Variants in PNKD observed in about 807,000 individuals in gnomAD.
The protein encoded by PNKD is PNKD metallo-beta-lactamase domain containing, also known as probable thioesterase PNKD.
In PNKD, 36 loss-of-function variants were observed where a neutral mutation model predicts 45.3. That is an observed-to-expected ratio of 0.80 (90% CI 0.61 to 1.05). The LOEUF (loss-of-function observed/expected upper bound fraction) is 1.05, where lower values mean the gene tolerates loss of function less well. Among genes scored for constraint, PNKD ranks in the 50% least tolerant of loss-of-function variants. The pLI is 0.00. For synonymous variants in PNKD, 197 were observed against 210.1 expected, an observed-to-expected ratio of 0.94 and a Z score of 0.54; for missense variants, 511 against 506.6, an observed-to-expected ratio of 1.01 and a Z score of -0.08.
At chr2:218,324,395 C>G (rs1574702490) in intron 2 of PNKD, among the ~76,000 whole-genome samples, 3 of 152,360 alleles carry the variant, frequency 2.0e-5, no homozygotes, top group East Asian at 1.9e-4. Context: ...GCAATTCACC[C>G]TCTCCTCCCC....
At chr2:218,275,992 C>G (rs545805557) in intron 2 of PNKD, 2 of 1,600,150 alleles carry the variant, frequency 1.2e-6, no homozygotes, top group South Asian at 2.3e-5. Context: ...CTCATCCCCT[C>G]AGCTCCCCTT....
chr2:218,329,712 C>T (rs550096616), intron 2 of PNKD, among the ~76,000 whole-genome samples: 5 of 152,394 alleles, frequency 3.3e-5, no homozygotes, highest in Admixed American at 2.0e-4. Flanking sequence ...AGTCCCCACG[C>T]CCCCAGGCAT....
At chr2:218,296,008 C>T (rs1416671189) in intron 2 of PNKD, among the ~76,000 whole-genome samples, 4 of 151,964 alleles carry the variant, frequency 2.6e-5, no homozygotes, top group South Asian at 2.1e-4. Flanking sequence ...CCACCACGCC[C>T]GGCTAATTTT....
At chr2:218,323,563 C>T in intron 2 of PNKD, 1 of 757,210 alleles carries the variant, frequency 1.3e-6, no homozygotes, top group South Asian at 2.9e-5. Flanking sequence ...GAAGAGGGAT[C>T]GAGGAGACGG....
At chr2:218,313,545 GGAACACTGA>G (rs1292216514) in intron 2 of PNKD, among the ~76,000 whole-genome samples, 1 of 152,172 alleles carries the variant, frequency 6.6e-6, no homozygotes. Flanking sequence ...CCATTTAAAA[GGAACACTGA>G]GTTCCACAGA....
chr2:218,341,626 A>G lies in PNKD; in HGVS notation c.617A>G (p.His206Arg). ...SPQDGIPYLT[H>R]PLCHQDVVSV... Reference sequence around the variant, plus strand: ...CAGGACGGCATCCCCTACCTCACCCAGTAAGTCCCTGACCTAGGCAAGGGA... The same window carrying G: ...CAGGACGGCATCCCCTACCTCACCCGGTAAGTCCCTGACCTAGGCAAGGGA... Residue 206 changes from histidine to arginine, a missense_variant and splice_region_variant, in exon 6 of 10, where the codon CAT (histidine) becomes CGT (arginine). His to Arg is a conservative substitution (Grantham distance 29). Transcript: ENST00000273077. 1 of 1,566,358 alleles carries G rather than the reference A, an allele frequency of 6.4e-7. No homozygotes were observed. Among genetic ancestry groups the G allele is most frequent in the South Asian group, 1.2e-5 (1 of 85,288 alleles).
At chr2:218,310,102 T>G (rs1206692133) in intron 2 of PNKD, among the ~76,000 whole-genome samples, 2 of 152,128 alleles carry the variant, frequency 1.3e-5, no homozygotes, top group African/African-American at 4.8e-5. Context: ...CTAAACAAAC[T>G]GCTCCCCAAC....
intron 8 of PNKD, among the ~76,000 whole-genome samples, chr2:218,344,212 C>A (rs1255786726): frequency 6.6e-6 from 1 of 152,208 alleles, no homozygotes; most frequent in Non-Finnish European, 1.5e-5. Flanking sequence ...GGGCTAGATG[C>A]AGGCCTGCCA....
chr2:218,271,895 G>A (rs1690850641), intron 2 of PNKD, among the ~76,000 whole-genome samples: 1 of 152,142 alleles, frequency 6.6e-6, no homozygotes, highest in Admixed American at 6.5e-5. Context: ...TACTCAGAAG[G>A]CGTTATGAAC....
rs531048548 is a variant in PNKD at position 218,331,575 on chromosome 2, G to A, written c.237-8208G>A. ...AACCTCTGCCTGCCAGGTTCAAGCA[G>A]TTCTGCCTCAGTCTCCCAAGTAGCT... On this transcript the variant is annotated intron_variant, in intron 2 of 9. Coordinates refer to ENST00000273077, the MANE Select transcript of PNKD (RefSeq NM_015488.5). Among the ~76,000 whole-genome samples, 18 of 152,216 alleles carry A rather than the reference G, an allele frequency of 1.2e-4. No individual in the cohort carries two copies. The South Asian group carries it at 3.7e-3, about 32-fold the overall frequency.
At chr2:218,323,214 G>C (rs1252404281) in intron 2 of PNKD, 2 of 1,427,188 alleles carry the variant, frequency 1.4e-6, no homozygotes, top group Non-Finnish European at 1.8e-6. Flanking sequence ...CCGGGGCCGG[G>C]CCGTTGCCTA....
At chr2:218,288,701 C>T (rs1271710651) in intron 2 of PNKD, among the ~76,000 whole-genome samples, 1 of 152,148 alleles carries the variant, frequency 6.6e-6, no homozygotes, top group African/African-American at 2.4e-5. Context: ...AATCCAAAAT[C>T]CATGTGCTTC....
chr2:218,292,971 T>TG (rs1693030414), intron 2 of PNKD, among the ~76,000 whole-genome samples: 1 of 152,262 alleles, frequency 6.6e-6, no homozygotes, highest in Non-Finnish European at 1.5e-5. Context: ...TTCCATTGCA[T>TG]GGCTATGCGG....
chr2:218,283,952 GT>G (rs1692273014), intron 2 of PNKD: 2 of 152,102 alleles, frequency 1.3e-5, no homozygotes, highest in Non-Finnish European at 2.9e-5. Flanking sequence ...AGATCATGAG[GT>G]CAGGAGTTCG....
chr2:218,305,591 C>T (rs978946604), intron 2 of PNKD, among the ~76,000 whole-genome samples: 6 of 151,854 alleles, frequency 4.0e-5, no homozygotes, highest in Non-Finnish European at 5.9e-5. Context: ...GACAATTTTC[C>T]GATCCATCAT....
In PNKD at chr2:218,279,469, C is replaced by T. The variant is rs187779037; in HGVS notation, c.236+7920C>T. 16 of 896,828 alleles carry T rather than the reference C, an allele frequency of 1.8e-5. No individual in the cohort carries two copies. The African/African-American group carries it at 2.4e-4, about 13-fold the overall frequency. The allele number at this position is 896,828 out of a possible 1,614,324, so 55.6% of individuals were successfully genotyped here. A position where few individuals can be genotyped will look rare whatever the true frequency, so the allele number is the denominator to read the frequency against. ...AGAACCCTCCCTAGCTGCAGCCTGG[C>T]CCAGAGGCGACCCCAGTGAGATGCC... On this transcript the variant is annotated intron_variant, in intron 2 of 9. Coordinates refer to ENST00000273077, the MANE Select transcript of PNKD (RefSeq NM_015488.5).
chr2:218,329,073 G>T (rs982256086), intron 2 of PNKD, among the ~76,000 whole-genome samples: 8 of 152,130 alleles, frequency 5.3e-5, no homozygotes, highest in African/African-American at 1.9e-4. Context: ...ACTGGGCATG[G>T]TCACGCACCC....
At chr2:218,341,723 TC>T in intron 6 of PNKD, 97 bp downstream of exon 6, 1 of 957,606 alleles carries the variant, frequency 1.0e-6, no homozygotes, top group Non-Finnish European at 1.6e-6. Context: ...AGCAGGTGGA[TC>T]TTTGCCAGTG....
intron 2 of PNKD, chr2:218,279,467 G>A (rs1425246494): frequency 1.1e-6 from 1 of 914,512 alleles, no homozygotes; most frequent in Non-Finnish European, 1.6e-6. Flanking sequence ...GCTGCAGCCT[G>A]GCCCAGAGGC....
Sources: gnomAD v4.1 joint callset for allele counts (sites outside exome capture counted in the v4.1 genomes callset) on GRCh38, gnomAD v4.1.1 for gene constraint, MANE v1.5 for transcripts, NCBI Gene and HGNC (gene_info 2026-07-23, HGNC 2026-07-21) for gene names.